The following ZNF385D variants were observed in gnomAD, a reference collection of about 807,000 sequenced individuals.
ZNF385D encodes the protein zinc finger protein 659.
ZNF385D carries 15 observed loss-of-function variants against 35.8 expected under a neutral mutation model. That is an observed-to-expected ratio of 0.42 (90% CI 0.28 to 0.64). The LOEUF (loss-of-function observed/expected upper bound fraction) is 0.64, where lower values mean the gene tolerates loss of function less well. Among genes scored for constraint, ZNF385D ranks in the 30% least tolerant of loss-of-function variants. The pLI, the probability that ZNF385D is intolerant of heterozygous loss-of-function variation, is 0.23. For synonymous variants in ZNF385D, 212 were observed against 186.8 expected, an observed-to-expected ratio of 1.13 and a Z score of -1.10; for missense variants, 474 against 494.6, an observed-to-expected ratio of 0.96 and a Z score of 0.39.
rs539939144 is a variant in ZNF385D, at chr3:22,009,452, T to C, written c.325+159365A>G. Among the ~76,000 whole-genome samples, 196 of 152,064 alleles carry C rather than the reference T, an allele frequency of 1.3e-3. 2 individuals carry two copies. Among genetic ancestry groups the C allele is most frequent in the African/African-American group, 4.1e-3 (170 of 41,504 alleles). On this transcript the variant is annotated intron_variant, in intron 3 of 5. Transcript: ENST00000494108. ...TCCTGGCTAACACGGTGAAACCCCG[T>C]CTCTACTAAAAATACCAAAAATTAG...
rs1188388886 is a variant in ZNF385D, at chr3:21,420,569, G to A, written c.*645C>T. 2 of 152,222 alleles carry A rather than the reference G, an allele frequency of 1.3e-5. No individual in the cohort carries two copies. Among genetic ancestry groups the A allele is most frequent in the Non-Finnish European group, 2.9e-5 (2 of 68,072 alleles). The allele number at this position is 152,222 out of a possible 1,614,324, so 9.4% of individuals were successfully genotyped here. ...ACCTCCATGACACCATCCGGTGTAT[G>A]TTTATTTTTTGACTGCTTATTGGTA... is the stretch of plus-strand genomic sequence containing the variant. On this transcript the variant is annotated 3_prime_UTR_variant, in exon 8 of 8. Transcript: ENST00000281523.
intron 2 of ZNF385D, among the ~76,000 whole-genome samples, chr3:22,192,977 A>G (rs1029821912): frequency 6.6e-6 from 1 of 152,166 alleles, no homozygotes; most frequent in Non-Finnish European, 1.5e-5. Flanking sequence ...ACAAAGGTCT[A>G]TTTAATACCA....
At chr3:21,968,505 T>A (rs547980276) in intron 3 of ZNF385D, among the ~76,000 whole-genome samples, 1 of 143,434 alleles carries the variant, frequency 7.0e-6, no homozygotes, top group East Asian at 2.0e-4. Context: ...TAGAGCCTCA[T>A]TCCTTCTGTC....
chr3:21,915,709 T>A (rs189082602), intron 3 of ZNF385D, among the ~76,000 whole-genome samples: 1 of 152,098 alleles, frequency 6.6e-6, no homozygotes, highest in Non-Finnish European at 1.5e-5. Flanking sequence ...CAATTGCACA[T>A]AGCATTAGGA....
At chr3:22,120,145 G>A (rs1215680915) in intron 3 of ZNF385D, among the ~76,000 whole-genome samples, 5 of 151,714 alleles carry the variant, frequency 3.3e-5, no homozygotes, top group Non-Finnish European at 4.4e-5. Flanking sequence ...TTTTTTTAAT[G>A]TGGGGGACTT....
In ZNF385D at chr3:21,418,013, T is replaced by C. The variant is rs1189174895; in HGVS notation, c.*3201A>G. The C allele has an allele frequency of 6.6e-6, 1 of 152,196 alleles. No homozygotes were observed. Among genetic ancestry groups the C allele is most frequent in the African/African-American group, 2.4e-5 (1 of 41,460 alleles). The allele number at this position is 152,196 out of a possible 1,614,324, so 9.4% of individuals were successfully genotyped here. A position where few individuals can be genotyped will look rare whatever the true frequency, so the allele number is the denominator to read the frequency against. Reference sequence around the variant, plus strand: ...GAGGTCCAGTGAGAGGAGCAATTTATCATGTGTAATTGCCTGTTTTCTCAT... The same window carrying C: ...GAGGTCCAGTGAGAGGAGCAATTTACCATGTGTAATTGCCTGTTTTCTCAT... On this transcript the variant is annotated 3_prime_UTR_variant, in exon 8 of 8. Coordinates refer to ENST00000281523, the MANE Select transcript of ZNF385D (RefSeq NM_024697.3).
chr3:21,964,434 A>AAAAG (rs1702775974), intron 3 of ZNF385D, among the ~76,000 whole-genome samples: 1 of 46,046 alleles, frequency 2.2e-5, no homozygotes, highest in African/African-American at 2.6e-4. Context: ...AAAAAAAAAG[A>AAAAG]AAAAAAAAAA....
chr3:22,309,774 G>A (rs1322257202), intron 2 of ZNF385D, among the ~76,000 whole-genome samples: 1 of 151,812 alleles, frequency 6.6e-6, no homozygotes, highest in Non-Finnish European at 1.5e-5. Context: ...CCTTGTAAAT[G>A]GCCAATCTAC....
At chr3:21,696,918 T>G (rs1402931272) in intron 1 of ZNF385D, among the ~76,000 whole-genome samples, 1 of 152,258 alleles carries the variant, frequency 6.6e-6, no homozygotes, top group Admixed American at 6.5e-5. Context: ...GTTTGTATCC[T>G]GTTAATATTT....
At chr3:21,567,163 G>C (rs2063177253) in intron 2 of ZNF385D, among the ~76,000 whole-genome samples, 1 of 152,086 alleles carries the variant, frequency 6.6e-6, no homozygotes, top group Admixed American at 6.6e-5. Context: ...TACATTCTTT[G>C]ATCTTTTCAA....
intron 3 of ZNF385D, among the ~76,000 whole-genome samples, chr3:22,161,542 T>C (rs764619498): frequency 1.3e-5 from 2 of 152,042 alleles, no homozygotes; most frequent in African/African-American, 2.4e-5. Flanking sequence ...AATCATGAGA[T>C]CTCTGGAATA....
chr3:21,477,737 C>T (rs962385924), intron 4 of ZNF385D, among the ~76,000 whole-genome samples: 7 of 152,134 alleles, frequency 4.6e-5, no homozygotes, highest in Admixed American at 2.6e-4. Context: ...CTTCTTCTAG[C>T]AGTGTTGCCT....
intron 2 of ZNF385D, among the ~76,000 whole-genome samples, chr3:22,217,744 C>T (rs975308022): frequency 6.6e-6 from 1 of 151,978 alleles, no homozygotes; most frequent in African/African-American, 2.4e-5. Context: ...GAGTAGAGAA[C>T]AATGAAAGCA....
chr3:21,869,892 T>G (rs772458931), intron 3 of ZNF385D, among the ~76,000 whole-genome samples: 1 of 152,056 alleles, frequency 6.6e-6, no homozygotes, highest in East Asian at 1.9e-4. Flanking sequence ...GAATTGCAAA[T>G]TAACAATAGG....
At chr3:21,499,067 TG>T (rs1706161044) in intron 4 of ZNF385D, among the ~76,000 whole-genome samples, 1 of 151,976 alleles carries the variant, frequency 6.6e-6, no homozygotes, top group African/African-American at 2.4e-5. Context: ...GAAAGCAGTC[TG>T]GTGATTCCTT....
chr3:21,963,893 G>T (rs1009645829), intron 3 of ZNF385D, among the ~76,000 whole-genome samples: 1 of 152,028 alleles, frequency 6.6e-6, no homozygotes, highest in Admixed American at 6.6e-5. Context: ...AGAAATACAA[G>T]AACTAACTCA....
At chr3:21,446,322 C>T (rs1368336948) in intron 4 of ZNF385D, among the ~76,000 whole-genome samples, 1 of 152,004 alleles carries the variant, frequency 6.6e-6, no homozygotes, top group African/African-American at 2.4e-5. Context: ...TGACCAGTGT[C>T]CTTGTTTTCC....
intron 1 of ZNF385D, among the ~76,000 whole-genome samples, chr3:21,743,175 T>C (rs953686003): frequency 6.6e-6 from 1 of 152,240 alleles, no homozygotes; most frequent in African/African-American, 2.4e-5. Context: ...TTATCAGTCA[T>C]GGAACAAAGA....
intron 4 of ZNF385D, among the ~76,000 whole-genome samples, chr3:21,489,831 G>A (rs560851480): frequency 3.9e-5 from 6 of 152,212 alleles, no homozygotes; most frequent in African/African-American, 1.4e-4. Flanking sequence ...TCCTGGTTGG[G>A]TCAGAATGTG....
Sources: gnomAD v4.1 joint callset for allele counts (sites outside exome capture counted in the v4.1 genomes callset) on GRCh38, gnomAD v4.1.1 for gene constraint, MANE v1.5 for transcripts, NCBI Gene and HGNC (gene_info 2026-07-23, HGNC 2026-07-21) for gene names.